Variants in LAMA2 observed in about 807,000 individuals in gnomAD.
LAMA2 encodes the protein laminin subunit alpha-2.
In LAMA2, 269 loss-of-function variants were observed where a neutral mutation model predicts 364.8. The observed-to-expected ratio is 0.74, with a 90% CI of 0.67 to 0.82. LAMA2 has a LOEUF of 0.82. Ranked by LOEUF, LAMA2 falls within the 40% of genes least tolerant of loss-of-function variation. LAMA2 has a pLI of 0.00. For synonymous variants in LAMA2, 1,379 were observed against 1,370.6 expected (o/e 1.01, Z -0.14); for missense variants, 3,807 against 3,873.2 (o/e 0.98, Z 0.45).
chr6:128,977,516 C>G (rs186113654), intron 1 of LAMA2, among the ~76,000 whole-genome samples: 303 of 152,244 alleles, frequency 2.0e-3, no homozygotes, highest in Middle Eastern at 3.4e-3. Context: ...TCTGCCTCAG[C>G]CTTTCAAAGT....
At chr6:129,043,209 C>A (rs761481768) in intron 1 of LAMA2, among the ~76,000 whole-genome samples, 1 of 152,112 alleles carries the variant, frequency 6.6e-6, no homozygotes, top group Non-Finnish European at 1.5e-5. Flanking sequence ...AACATGAGAA[C>A]TTTGTCAATA....
chr6:129,116,569 C>T (rs1198859711), intron 4 of LAMA2, among the ~76,000 whole-genome samples: 1 of 151,884 alleles, frequency 6.6e-6, no homozygotes, highest in African/African-American at 2.4e-5. Flanking sequence ...TTTCCATTCA[C>T]TTAGTTGTAT....
At chr6:129,395,925 G>A (rs951482884) in intron 37 of LAMA2, among the ~76,000 whole-genome samples, 19 of 152,176 alleles carry the variant, frequency 1.2e-4, no homozygotes, top group African/African-American at 4.1e-4. Flanking sequence ...GCATGTGAAC[G>A]ACTGAAGGGA....
At chr6:129,465,534 T>C (rs1783499356) in intron 51 of LAMA2, among the ~76,000 whole-genome samples, 1 of 151,950 alleles carries the variant, frequency 6.6e-6, no homozygotes, top group Non-Finnish European at 1.5e-5. Flanking sequence ...AGCATAAAAC[T>C]GTCTTACAAC....
chr6:129,029,910 T>A (rs1436611900), intron 1 of LAMA2, among the ~76,000 whole-genome samples: 1 of 152,090 alleles, frequency 6.6e-6, no homozygotes, highest in Non-Finnish European at 1.5e-5. Flanking sequence ...CCCCCTTCTG[T>A]TAATTGACTC....
chr6:129,080,188 T>C (rs750701994), intron 3 of LAMA2, among the ~76,000 whole-genome samples: 1 of 152,164 alleles, frequency 6.6e-6, no homozygotes, highest in Non-Finnish European at 1.5e-5. Context: ...GATACTATTA[T>C]AATTAGTACA....
At chr6:129,157,590 C>G in intron 8 of LAMA2, 1 of 1,613,154 alleles carries the variant, frequency 6.2e-7, no homozygotes, top group Non-Finnish European at 8.5e-7. Flanking sequence ...CGCTGTGAGT[C>G]TGGGGGCTGG....
At chr6:128,964,757 A>G (rs991294136) in intron 1 of LAMA2, among the ~76,000 whole-genome samples, 2 of 152,084 alleles carry the variant, frequency 1.3e-5, no homozygotes, top group African/African-American at 4.8e-5. Flanking sequence ...GAAGAAAAAT[A>G]GAAATCTGAA....
intron 17 of LAMA2, among the ~76,000 whole-genome samples, chr6:129,275,468 A>G (rs1402752962): frequency 6.6e-6 from 1 of 152,040 alleles, no homozygotes; most frequent in Non-Finnish European, 1.5e-5. Context: ...ACAATTACAG[A>G]AACATTGAAA....
chr6:129,047,465 C>G (rs1468199701), intron 1 of LAMA2, among the ~76,000 whole-genome samples: 1 of 152,088 alleles, frequency 6.6e-6, no homozygotes, highest in African/African-American at 2.4e-5. Context: ...AATTGGGAAC[C>G]TCAACTTTCA....
intron 12 of LAMA2, among the ~76,000 whole-genome samples, chr6:129,221,012 A>T (rs1263369116): frequency 6.6e-6 from 1 of 152,044 alleles, no homozygotes; most frequent in Non-Finnish European, 1.5e-5. Context: ...AAATACAAAA[A>T]TTAGCCGGGC....
intron 27 of LAMA2, 47 bp downstream of exon 27, chr6:129,316,218 A>G (rs1200042860): frequency 1.4e-6 from 2 of 1,481,442 alleles, no homozygotes; most frequent in African/African-American, 1.4e-5. Context: ...AGAGTCTGTA[A>G]GGAAGGTTAT....
intron 53 of LAMA2, among the ~76,000 whole-genome samples, chr6:129,477,852 T>A (rs1784148797): frequency 6.6e-6 from 1 of 152,142 alleles, no homozygotes; most frequent in Admixed American, 6.5e-5. Context: ...GGCACAACCA[T>A]AATTCACTGC....
At chr6:129,232,920 T>C (rs571382225) in intron 12 of LAMA2, among the ~76,000 whole-genome samples, 23 of 152,226 alleles carry the variant, frequency 1.5e-4, no homozygotes, top group Non-Finnish European at 2.9e-4. Context: ...GCTTTAAAGA[T>C]GGAGAGTCCC....
intron 35 of LAMA2, among the ~76,000 whole-genome samples, chr6:129,387,344 A>G (rs949040108): frequency 2.0e-5 from 3 of 152,216 alleles, no homozygotes; most frequent in Non-Finnish European, 4.4e-5. Context: ...GCAAGTCAAA[A>G]CCACAATGAG....
intron 4 of LAMA2, among the ~76,000 whole-genome samples, chr6:129,123,411 C>T (rs1776922012): frequency 6.6e-6 from 1 of 151,526 alleles, no homozygotes; most frequent in Non-Finnish European, 1.5e-5. Context: ...AAATCAGGAT[C>T]TCAAAGAGAT....
chr6:129,271,374 T>C (rs1787921419), intron 17 of LAMA2, among the ~76,000 whole-genome samples: 1 of 152,068 alleles, frequency 6.6e-6, no homozygotes, highest in African/African-American at 2.4e-5. Flanking sequence ...ATCCAGCTGC[T>C]TGAATTCACA....
At chr6:128,940,602 A>G (rs186009986) in intron 1 of LAMA2, among the ~76,000 whole-genome samples, 2 of 152,324 alleles carry the variant, frequency 1.3e-5, no homozygotes, top group East Asian at 1.9e-4. Flanking sequence ...TTTACCTTCA[A>G]TGACTGAAAC....
At chr6:128,953,817 G>A (rs186222452) in intron 1 of LAMA2, among the ~76,000 whole-genome samples, 5 of 152,174 alleles carry the variant, frequency 3.3e-5, no homozygotes, top group African/African-American at 1.2e-4. Context: ...CCCCTATACT[G>A]AGGGCAATTT....
Sources: allele counts gnomAD v4.1 joint callset (sites outside exome capture counted in the v4.1 genomes callset), GRCh38; gene constraint gnomAD v4.1.1; transcripts MANE v1.5; gene names NCBI Gene and HGNC (gene_info 2026-07-23, HGNC 2026-07-21).